CRACD: variants seen among roughly 807,000 people sequenced by gnomAD.
CRACD encodes the protein capping protein inhibiting regulator of actin dynamics.
In CRACD, 56 loss-of-function variants were observed where a neutral mutation model predicts 106.8. The ratio of observed to expected loss-of-function variants is 0.52; its 90% CI spans 0.42 to 0.66. The LOEUF (loss-of-function observed/expected upper bound fraction) is 0.66. Among genes scored for constraint, CRACD ranks in the 30% least tolerant of loss-of-function variants. The pLI is 0.00. For synonymous variants in CRACD, 754 were observed against 670.8 expected (o/e 1.12, Z -1.92); for missense variants, 1,730 against 1,623.2 (o/e 1.07, Z -1.13).
Position 56,314,628 on chromosome 4 carries a change from G to A in CRACD, c.1126G>A (p.Glu376Lys), listed in dbSNP as rs1446413134. 9.1e-6 allele frequency: 14 copies of A among 1,539,534 alleles called. No homozygotes were observed. Among genetic ancestry groups the A allele is most frequent in the Non-Finnish European group, 1.2e-5 (14 of 1,141,272 alleles). Residue 376 changes from glutamate (E) to lysine (K), a missense_variant, in exon 8 of 11, where the codon GAG becomes AAG. Glu to Lys is a moderately conservative substitution (Grantham distance 56). Transcript: ENST00000682029. This position sits in a 1 kb window ranked among gnomAD's most constrained non-coding sequence, Gnocchi z 4.4. Reference protein sequence around the residue: ...AEGWEELEQQEAEVQGPPEAL... With the variant: ...AEGWEELEQQKAEVQGPPEAL... ...GGGATGGGAAGAGCTGGAACAGCAG[G>A]AGGCGGAGGTGCAGGGGCCGCCCGA...
intron 1 of CRACD, among the ~76,000 whole-genome samples, chr4:56,168,926 A>G (rs1034313640): frequency 3.9e-5 from 6 of 152,196 alleles, no homozygotes; most frequent in Admixed American, 1.3e-4. Flanking sequence ...ACCGTTTATC[A>G]CATGGCTTCC....
Position 56,330,232 on chromosome 4 carries a change from C to T in CRACD, c.*2428C>T, listed in dbSNP as rs1011858362. On this transcript the variant is annotated 3_prime_UTR_variant, in exon 11 of 11. Transcript: ENST00000682029. ...TTAAACAAACATACACTTCTCCTGG[C>T]AAGGTTATAGATGATTAACCTCTGT... is the stretch of plus-strand genomic sequence containing the variant. Among the ~76,000 whole-genome samples the T allele has an allele frequency of 6.6e-6, 1 of 151,152 alleles. No individual in the cohort carries two copies. The highest frequency in any genetic ancestry group is 1.5e-5 in the Non-Finnish European group (1 of 67,904).
At position 56,307,605 on chromosome 4, in the gene CRACD, G is replaced by A. The variant is rs1430260358; in HGVS notation, c.191G>A (p.Ser64Asn). ...PNAIPMNKAN[S>N]GEASLEEDLF... ...GCCATTCCCATGAATAAGGCAAACA[G>A]TGGAGAGGCTAGCTTAGAAGAGGAT... The change falls in exon 5 of 11, where the codon AGT becomes AAT. Residue 64 changes from serine (S) to asparagine (N), a missense_variant. Ser to Asn is a conservative substitution (Grantham distance 46, BLOSUM62 1). Coordinates refer to ENST00000682029, the MANE Select transcript of CRACD (RefSeq NM_001393381.1). 1 of 1,614,216 alleles carries A rather than the reference G, an allele frequency of 6.2e-7. No homozygotes were observed. The highest frequency in any genetic ancestry group is 2.2e-5 in the East Asian group (1 of 44,880).
chr4:56,153,113 C>T (rs1735642099), intron 1 of CRACD, among the ~76,000 whole-genome samples: 1 of 152,220 alleles, frequency 6.6e-6, no homozygotes, highest in African/African-American at 2.4e-5. Flanking sequence ...ATCCCCATCT[C>T]TGCTAAAAAT....
At chr4:56,248,427 C>T (rs1202511961) in intron 2 of CRACD, among the ~76,000 whole-genome samples, 1 of 152,052 alleles carries the variant, frequency 6.6e-6, no homozygotes, top group Non-Finnish European at 1.5e-5. Context: ...CTATTTTGCT[C>T]CCATCATAAT....
At chr4:56,220,376 C>G (rs1341099917) in intron 2 of CRACD, among the ~76,000 whole-genome samples, 2 of 152,202 alleles carry the variant, frequency 1.3e-5, no homozygotes, top group African/African-American at 4.8e-5. Flanking sequence ...TGGAACTTCA[C>G]TCTGCTCACT....
intron 2 of CRACD, among the ~76,000 whole-genome samples, chr4:56,206,760 T>G (rs969999403): frequency 6.6e-6 from 1 of 152,166 alleles, no homozygotes; most frequent in African/African-American, 2.4e-5. Context: ...GGTCACGTTG[T>G]CCCTTAGGTG....
intron 2 of CRACD, among the ~76,000 whole-genome samples, chr4:56,263,814 A>G (rs1215147083): frequency 3.3e-5 from 5 of 152,216 alleles, no homozygotes; most frequent in Non-Finnish European, 5.9e-5. Context: ...GTGATGAATT[A>G]TCACTGGAGT....
intron 1 of CRACD, among the ~76,000 whole-genome samples, chr4:56,070,238 T>C (rs1479375420): frequency 2.0e-5 from 3 of 151,610 alleles, no homozygotes; most frequent in Admixed American, 6.6e-5. Context: ...TTCCACGCCT[T>C]CTCCACGTTG....
In CRACD at chr4:56,326,698, CAG is replaced by C. The variant is rs367745375; in HGVS notation, c.3542-943_3542-942del. Among the ~76,000 whole-genome samples, 325 of 151,080 alleles carry C rather than the reference CAG, an allele frequency of 2.2e-3. 2 individuals carry two copies. The highest frequency in any genetic ancestry group is 7.1e-3 in the African/African-American group (291 of 41,164). On this transcript the variant is annotated intron_variant, in intron 10 of 10. Transcript: ENST00000682029. Reference sequence around the variant, plus strand: ...GGGAGCTGGCAGGATCTGTGAGACTCAGAGGTAGAGGCACCCAGTGGATGCTT... The same window carrying C: ...GGGAGCTGGCAGGATCTGTGAGACTCAGGTAGAGGCACCCAGTGGATGCTT...
At chr4:56,142,406 G>A (rs1216122329) in intron 1 of CRACD, among the ~76,000 whole-genome samples, 1 of 152,062 alleles carries the variant, frequency 6.6e-6, no homozygotes, top group African/African-American at 2.4e-5. Context: ...CTGAAAGTTT[G>A]TGCCTTTTTG....
At chr4:56,263,358 T>G (rs1741817318) in intron 2 of CRACD, among the ~76,000 whole-genome samples, 1 of 152,158 alleles carries the variant, frequency 6.6e-6, no homozygotes, top group African/African-American at 2.4e-5. Flanking sequence ...GGTGTATTAG[T>G]TTGTGAGGGC....
At chr4:56,050,241 T>C (rs75912422) in intron 1 of CRACD, among the ~76,000 whole-genome samples, 3,537 of 150,798 alleles carry the variant, frequency 0.023, 62 homozygotes, top group Admixed American at 0.058. Context: ...TTAGGAATAA[T>C]GGCTGGGAAA....
chr4:56,060,093 C>T (rs1415036937), intron 1 of CRACD, among the ~76,000 whole-genome samples: 1 of 152,140 alleles, frequency 6.6e-6, no homozygotes, highest in Non-Finnish European at 1.5e-5. Context: ...CATGGGCTGC[C>T]ATGTTTAAGG....
rs1736717338 is a variant in CRACD, at chr4:56,179,372, G to A, written c.-247G>A. 6.6e-6 allele frequency: 1 copy of A among 152,066 alleles called. No individual in the cohort carries two copies. The highest frequency in any genetic ancestry group is 2.4e-5 in the African/African-American group (1 of 41,384). 9.4% of individuals were successfully genotyped at this position (152,066 alleles called of 1,614,324 possible). ...TGAAGGTGAAGTTTCCCTTTTGCAA[G>A]GAGAAAATTTTGGTGGAGAATTATC... On this transcript the variant is annotated 5_prime_UTR_variant, in exon 2 of 11. Coordinates refer to ENST00000682029, the MANE Select transcript of CRACD (RefSeq NM_001393381.1).
intron 2 of CRACD, among the ~76,000 whole-genome samples, chr4:56,255,424 C>T (rs905763665): frequency 6.6e-6 from 1 of 151,930 alleles, no homozygotes; most frequent in Non-Finnish European, 1.5e-5. Context: ...ACATAGAAAC[C>T]TTGAAATTTT....
intron 2 of CRACD, among the ~76,000 whole-genome samples, chr4:56,246,904 G>T (rs1396583689): frequency 6.6e-6 from 1 of 152,170 alleles, no homozygotes; most frequent in Non-Finnish European, 1.5e-5. Flanking sequence ...TTAGGCACTG[G>T]TATTAGTGCT....
intron 2 of CRACD, among the ~76,000 whole-genome samples, chr4:56,233,020 A>G (rs1353529241): frequency 1.3e-5 from 2 of 151,914 alleles, no homozygotes; most frequent in Non-Finnish European, 2.9e-5. Flanking sequence ...TAAAACATGC[A>G]TCTTTCTTAA....
intron 2 of CRACD, among the ~76,000 whole-genome samples, chr4:56,235,186 TA>T (rs1739892926): frequency 2.0e-5 from 3 of 152,210 alleles, no homozygotes; most frequent in Non-Finnish European, 4.4e-5. Context: ...AAACACCTGT[TA>T]AGTCTTATCT....
Sources: gnomAD v4.1 joint callset for allele counts (sites outside exome capture counted in the v4.1 genomes callset) on GRCh38, gnomAD v4.1.1 for gene constraint, Gnocchi (gnomAD v3.1) non-coding constraint, MANE v1.5 for transcripts, NCBI Gene and HGNC (gene_info 2026-07-23, HGNC 2026-07-21) for gene names.